Variants in SRPK1 observed in about 807,000 individuals in gnomAD.
SRPK1 encodes SFRS protein kinase 1.
A neutral mutation model predicts 89.5 loss-of-function variants in SRPK1; 52 were observed. The ratio of observed to expected loss-of-function variants is 0.58; its 90% CI spans 0.46 to 0.73. SRPK1 has a LOEUF of 0.73. Ranked by LOEUF, SRPK1 falls within the 30% of genes least tolerant of loss-of-function variation. The pLI is 0.00. For missense variants in SRPK1, 603 were observed against 780.6 expected, an observed-to-expected ratio of 0.77 and a Z score of 2.71; for synonymous variants, 255 against 270.2, an observed-to-expected ratio of 0.94 and a Z score of 0.55.
At chr6:35,848,502 A>G (rs1246799770) in intron 13 of SRPK1, among the ~76,000 whole-genome samples, 1 of 152,180 alleles carries the variant, frequency 6.6e-6, no homozygotes, top group Non-Finnish European at 1.5e-5. Flanking sequence ...GGCTGAAGAG[A>G]GCTGTGATTG....
intron 11 of SRPK1, 171 bp from the exon 12 acceptor site, chr6:35,869,281 C>T (rs12664510): frequency 0.034 from 29,319 of 867,528 alleles, 615 homozygotes; most frequent in Middle Eastern, 0.08. Context: ...GAATTAAAAA[C>T]CTCTGCCCTC....
At chr6:35,880,735 G>GAAAAAAAAAAAAAAAAA (rs1238876364) in intron 6 of SRPK1, among the ~76,000 whole-genome samples, 4 of 26,952 alleles carry the variant, frequency 1.5e-4, no homozygotes, top group African/African-American at 2.6e-4. Flanking sequence ...AAAAAAAAAA[G>GAAAAAAAAAAAAAAAAA]AAAAAAAAAA....
At chr6:35,855,662 C>T (rs1411422847) in intron 13 of SRPK1, among the ~76,000 whole-genome samples, 1 of 152,166 alleles carries the variant, frequency 6.6e-6, no homozygotes, top group Non-Finnish European at 1.5e-5. Context: ...TTTCCAAGTG[C>T]TAGGTGTCTT....
intron 3 of SRPK1, among the ~76,000 whole-genome samples, chr6:35,890,361 CTGAGAA>C (rs1561988501): frequency 6.6e-6 from 1 of 152,218 alleles, no homozygotes; most frequent in East Asian, 1.9e-4. Context: ...TCTTTGTCAG[CTGAGAA>C]TAAGAAGGAC....
chr6:35,872,729 C>G lies in SRPK1; in HGVS notation c.586-1G>C. On this transcript the variant is annotated splice_acceptor_variant, in intron 7 of 15. Coordinates refer to ENST00000373825, the MANE Select transcript of SRPK1 (RefSeq NM_003137.5). LOFTEE classifies it high-confidence loss of function. ...GTAAATAATCAAGACCCTGTAACAC[C>G]TGAATGGAAATAGAGTGGCAGACTT... 1 of 1,595,916 alleles carries G rather than the reference C, an allele frequency of 6.3e-7. No homozygotes were observed. The highest frequency in any genetic ancestry group is 8.5e-7 in the Non-Finnish European group (1 of 1,172,702).
At chr6:35,857,228 T>C (rs1561972782) in intron 13 of SRPK1, 33 bp downstream of exon 13, 8 of 1,519,410 alleles carry the variant, frequency 5.3e-6, no homozygotes, top group Non-Finnish European at 7.3e-6. Context: ...ATGTACCACT[T>C]AACAAGTGAA....
chr6:35,920,082 C>CA, intron 2 of SRPK1: 1 of 463,768 alleles, frequency 2.2e-6, no homozygotes, highest in South Asian at 1.5e-5. Flanking sequence ...ACGTCGGAGG[C>CA]AAGTTAAGAC....
chr6:35,868,046 C>T (rs904226143), intron 12 of SRPK1, among the ~76,000 whole-genome samples: 1 of 151,904 alleles, frequency 6.6e-6, no homozygotes, highest in African/African-American at 2.4e-5. Flanking sequence ...GATCTTGGCT[C>T]GCCGAAACCT....
At chr6:35,841,759 G>T (rs1444168779) in intron 14 of SRPK1, among the ~76,000 whole-genome samples, 2 of 146,190 alleles carry the variant, frequency 1.4e-5, no homozygotes, top group African/African-American at 5.1e-5. Context: ...TTGAACGAGG[G>T]AAGTGGAGGT....
chr6:35,843,333 TCAA>T (rs751771807), intron 13 of SRPK1, among the ~76,000 whole-genome samples: 3,154 of 138,488 alleles, frequency 0.023, 120 homozygotes, highest in African/African-American at 0.085. Context: ...ACAAAAAAAA[TCAA>T]AAAAAAAAAA....
At position 35,835,187 on chromosome 6, in the gene SRPK1, A is replaced by C. The variant is rs1440601303; in HGVS notation, c.*117T>G. 2.1e-6 allele frequency: 2 copies of C among 974,058 alleles called. No individual in the cohort carries two copies. The allele number at this position is 974,058 out of a possible 1,614,324, so 60.3% of individuals were successfully genotyped here. Reference sequence around the variant, plus strand: ...ATGAACATGTTGGATTAAAAAAAAAACAAGATCTAGAAACTCTTGAAGGAA... The same window carrying C: ...ATGAACATGTTGGATTAAAAAAAAACCAAGATCTAGAAACTCTTGAAGGAA... On this transcript the variant is annotated 3_prime_UTR_variant, in exon 16 of 16. Coordinates refer to ENST00000373825, the MANE Select transcript of SRPK1 (RefSeq NM_003137.5).
intron 2 of SRPK1, among the ~76,000 whole-genome samples, chr6:35,915,228 C>T (rs1307220920): frequency 6.6e-6 from 1 of 151,884 alleles, no homozygotes; most frequent in African/African-American, 2.4e-5. Context: ...ACAGTTAAAC[C>T]TCGTCTCTAC....
At chr6:35,837,918 G>C (rs995987074) in intron 15 of SRPK1, among the ~76,000 whole-genome samples, 15 of 150,748 alleles carry the variant, frequency 1.0e-4, no homozygotes, top group Non-Finnish European at 2.1e-4. Flanking sequence ...GCCCAGGCTG[G>C]AGGGCAATGG....
At chr6:35,842,635 C>A (rs1196736392) in intron 13 of SRPK1, 31 bp from the exon 14 acceptor site, 5 of 1,547,830 alleles carry the variant, frequency 3.2e-6, no homozygotes, top group East Asian at 4.6e-5. Flanking sequence ...TATATGAAAG[C>A]ACAAAAGAAA....
intron 13 of SRPK1, among the ~76,000 whole-genome samples, chr6:35,854,178 T>C (rs1036085117): frequency 6.6e-6 from 1 of 152,136 alleles, no homozygotes; most frequent in Non-Finnish European, 1.5e-5. Context: ...CTCGAACTCC[T>C]GGCCTCAAGT....
chr6:35,839,639 CT>C (rs11323977), intron 14 of SRPK1, among the ~76,000 whole-genome samples: 44,167 of 143,452 alleles, frequency 0.31, 6,803 homozygotes, highest in South Asian at 0.39. Context: ...TGCCCCCCCC[CT>C]TTTTTTTTTC....
intron 2 of SRPK1, among the ~76,000 whole-genome samples, chr6:35,917,816 T>A (rs560895380): frequency 2.6e-4 from 39 of 152,358 alleles, no homozygotes; most frequent in African/African-American, 9.1e-4. Context: ...TATCTTTAGG[T>A]CCTGATCAGT....
intron 6 of SRPK1, among the ~76,000 whole-genome samples, chr6:35,885,016 T>G (rs1259801387): frequency 1.3e-5 from 2 of 151,996 alleles, no homozygotes; most frequent in Non-Finnish European, 2.9e-5. Context: ...TCAAACCTAC[T>G]AAGATATTTC....
chr6:35,885,417 T>C (rs1770388242), intron 6 of SRPK1, among the ~76,000 whole-genome samples: 1 of 152,044 alleles, frequency 6.6e-6, no homozygotes, highest in Non-Finnish European at 1.5e-5. Context: ...TAATCTGTGA[T>C]TTGTATTTTT....
Sources: gnomAD v4.1 joint callset for allele counts (sites outside exome capture counted in the v4.1 genomes callset) on GRCh38, gnomAD v4.1.1 for gene constraint, MANE v1.5 for transcripts, NCBI Gene and HGNC (gene_info 2026-07-23, HGNC 2026-07-21) for gene names.